SCD5: variants seen among roughly 807,000 people sequenced by gnomAD.
SCD5 encodes stearoyl-CoA desaturase 5.
Under a neutral mutation model 30.4 loss-of-function variants are expected in SCD5, and 20 were observed. The ratio of observed to expected loss-of-function variants is 0.66; its 90% confidence interval spans 0.46 to 0.96. SCD5 has a LOEUF of 0.96. Among genes scored for constraint, SCD5 ranks in the 40% least tolerant of loss-of-function variants. The pLI is 0.00. For synonymous variants in SCD5, 173 were observed against 176.4 expected, an observed-to-expected ratio of 0.98 and a Z score of 0.16; for missense variants, 381 against 443.3, an observed-to-expected ratio of 0.86 and a Z score of 1.26.
chr4:82,712,300 TATTTTTATTTTA>T (rs1435928560), intron 1 of SCD5, among the ~76,000 whole-genome samples: 6 of 26,600 alleles, frequency 2.3e-4, no homozygotes, highest in African/African-American at 9.0e-4. Flanking sequence ...ATATATATTT[TATTTTTATTTTA>T]TTTTTTTTTT....
intron 3 of SCD5, among the ~76,000 whole-genome samples, chr4:82,654,065 C>G (rs1727818486): frequency 6.6e-6 from 1 of 152,100 alleles, no homozygotes; most frequent in Non-Finnish European, 1.5e-5. Flanking sequence ...TTACAGGTGT[C>G]TGCCACCACC....
At chr4:82,676,795 A>T (rs1267365190) in intron 3 of SCD5, among the ~76,000 whole-genome samples, 1 of 152,222 alleles carries the variant, frequency 6.6e-6, no homozygotes, top group Non-Finnish European at 1.5e-5. Context: ...CCAGAGCCTA[A>T]AGGCAATACC....
intron 3 of SCD5, among the ~76,000 whole-genome samples, chr4:82,638,210 G>A (rs576795971): frequency 6.6e-6 from 1 of 152,192 alleles, no homozygotes; most frequent in South Asian, 2.1e-4. Flanking sequence ...ATTCCATGGT[G>A]TTTAGGACAT....
At chr4:82,765,044 C>T (rs1185715095) in intron 1 of SCD5, among the ~76,000 whole-genome samples, 3 of 152,080 alleles carry the variant, frequency 2.0e-5, no homozygotes, top group Non-Finnish European at 2.9e-5. Flanking sequence ...TTTTAAAATA[C>T]GAAAATTTAT....
intron 1 of SCD5, among the ~76,000 whole-genome samples, chr4:82,763,170 G>A (rs938726262): frequency 6.6e-5 from 10 of 152,196 alleles, no homozygotes; most frequent in African/African-American, 2.4e-4. Context: ...CCTAACCTCA[G>A]TACCTCAGAA....
chr4:82,724,438 G>A (rs1356909862), intron 1 of SCD5, among the ~76,000 whole-genome samples: 1 of 152,140 alleles, frequency 6.6e-6, no homozygotes. Context: ...GCAACATGGT[G>A]AGACCCCCAT....
chr4:82,734,661 A>G (rs1720709397), intron 1 of SCD5, among the ~76,000 whole-genome samples: 1 of 152,062 alleles, frequency 6.6e-6, no homozygotes, highest in Non-Finnish European at 1.5e-5. Flanking sequence ...AATCAAATTA[A>G]CTTCTCATCC....
chr4:82,712,297 T>TATATATACATATATATA (rs1560540874), intron 1 of SCD5, among the ~76,000 whole-genome samples: 1 of 33,746 alleles, frequency 3.0e-5, no homozygotes, highest in Non-Finnish European at 6.3e-5. Flanking sequence ...TATATATATA[T>TATATATACATATATATA]TTTATTTTTA....
At chr4:82,752,271 A>AGTT (rs1721119526) in intron 1 of SCD5, among the ~76,000 whole-genome samples, 2 of 92,752 alleles carry the variant, frequency 2.2e-5, no homozygotes, top group Non-Finnish European at 4.4e-5. Flanking sequence ...AATTTTAAAA[A>AGTT]ATTATATATA....
At chr4:82,683,034 G>A (rs894737429) in intron 2 of SCD5, among the ~76,000 whole-genome samples, 4 of 152,066 alleles carry the variant, frequency 2.6e-5, no homozygotes, top group African/African-American at 9.7e-5. Flanking sequence ...CAGGCTGGTC[G>A]AAAATTTTAA....
At chr4:82,756,671 C>T (rs560044596) in intron 1 of SCD5, among the ~76,000 whole-genome samples, 1 of 132,272 alleles carries the variant, frequency 7.6e-6, no homozygotes, top group Non-Finnish European at 1.6e-5. Flanking sequence ...CCCCTCCCCC[C>T]GTCCATGCAA....
chr4:82,792,313 G>A (rs1411334660), intron 1 of SCD5, among the ~76,000 whole-genome samples: 3 of 152,124 alleles, frequency 2.0e-5, no homozygotes, highest in East Asian at 1.9e-4. Context: ...ACTCCAAGTC[G>A]GAGACAGACC....
chr4:82,736,288 G>GA (rs1720748450), intron 1 of SCD5, among the ~76,000 whole-genome samples: 1 of 149,988 alleles, frequency 6.7e-6, no homozygotes, highest in Non-Finnish European at 1.5e-5. Flanking sequence ...CCCTGTCTAA[G>GA]AAAAAACAAA....
intron 3 of SCD5, among the ~76,000 whole-genome samples, chr4:82,655,369 G>C (rs896935431): frequency 6.6e-6 from 1 of 152,158 alleles, no homozygotes; most frequent in African/African-American, 2.4e-5. Flanking sequence ...GATGGTATTA[G>C]TGGCCACAAG....
chr4:82,659,080 G>A (rs1490930433), intron 3 of SCD5, among the ~76,000 whole-genome samples: 2 of 152,038 alleles, frequency 1.3e-5, no homozygotes, highest in African/African-American at 4.8e-5. Flanking sequence ...GATGTGTTCA[G>A]GAATTTATCC....
intron 1 of SCD5, among the ~76,000 whole-genome samples, chr4:82,717,452 T>C (rs1485764179): frequency 6.6e-6 from 1 of 151,872 alleles, no homozygotes; most frequent in Non-Finnish European, 1.5e-5. Flanking sequence ...AGTAATTTAC[T>C]GTGCTATGGA....
At chr4:82,752,450 C>T (rs1485358762) in intron 1 of SCD5, among the ~76,000 whole-genome samples, 2 of 151,984 alleles carry the variant, frequency 1.3e-5, no homozygotes, top group Non-Finnish European at 2.9e-5. Context: ...ACTTCTTCTA[C>T]TAGGTTAGGA....
chr4:82,788,639 C>T (rs1204518532), intron 1 of SCD5, among the ~76,000 whole-genome samples: 4 of 152,222 alleles, frequency 2.6e-5, no homozygotes, highest in African/African-American at 9.7e-5. Flanking sequence ...GATCCACCCA[C>T]CTCAGTCTCC....
rs761642511 is a variant in SCD5, at chr4:82,798,492, C to T, written c.46G>A (p.Ala16Thr). The change falls in exon 1 of 5, where the codon GCC (alanine) becomes ACC (threonine). Residue 16 changes from alanine (A) to threonine (T), a missense_variant. Physicochemically the swap from Ala to Thr is moderately conservative, Grantham distance 58. Coordinates refer to ENST00000319540, the MANE Select transcript of SCD5 (RefSeq NM_001037582.3). ...TDAGKIPFCD[A>T]KEEIRAGLES... is the part of the protein sequence containing the mutation. ...AGCCCGGCACGGATTTCTTCCTTGG[C>T]GTCGCAGAAAGGGATCTTCCCCGCG... 1 of 1,611,018 alleles carries T rather than the reference C, an allele frequency of 6.2e-7. No individual in the cohort carries two copies. The highest frequency in any genetic ancestry group is 1.1e-5 in the South Asian group (1 of 90,442).
Sources: allele counts gnomAD v4.1 joint callset (sites outside exome capture counted in the v4.1 genomes callset), GRCh38; gene constraint gnomAD v4.1.1; transcripts MANE v1.5; gene names NCBI Gene and HGNC (gene_info 2026-07-23, HGNC 2026-07-21).